The following C13orf42 variants were observed in gnomAD, a reference collection of about 807,000 sequenced individuals.
The protein encoded by C13orf42 is uncharacterized protein C13orf42.
intron 1 of C13orf42, among the ~76,000 whole-genome samples, chr13:51,109,577 C>T (rs1161508997): frequency 6.6e-6 from 1 of 151,676 alleles, no homozygotes; most frequent in East Asian, 1.9e-4. Context: ...AGCAAGACTC[C>T]CATCTCTACA....
At chr13:51,115,425 C>T (rs1485053050), upstream of C13orf42, among the ~76,000 whole-genome samples, 5 of 152,212 alleles carry the variant, frequency 3.3e-5, no homozygotes, top group African/African-American at 1.2e-4. Context: ...CATCATTTTC[C>T]TCCCTACAGT....
At chr13:51,131,095 G>A (rs756328126) in intron 1 of C13orf42, among the ~76,000 whole-genome samples, 34 of 151,926 alleles carry the variant, frequency 2.2e-4, no homozygotes, top group Admixed American at 1.4e-3. Context: ...TTGACTTTTC[G>A]CTTAAAACCG....
At chr13:51,120,087 A>G (rs186335342) in intron 1 of C13orf42, among the ~76,000 whole-genome samples, 52 of 152,340 alleles carry the variant, frequency 3.4e-4, no homozygotes, top group African/African-American at 1.2e-3. Flanking sequence ...TCACTCAATA[A>G]TAGTTGCCAT....
At position 51,084,114 on chromosome 13, in the gene C13orf42, G is replaced by A. The variant is rs1004723434; in HGVS notation, c.*37C>T. 4 of 398,524 alleles carry A rather than the reference G, an allele frequency of 1.0e-5. No individual in the cohort carries two copies. The highest frequency in any genetic ancestry group is 8.2e-5 in the African/African-American group (4 of 48,652). The allele number at this position is 398,524 out of a possible 1,614,324, so 24.7% of individuals were successfully genotyped here. ...CGCTGAAAGCGGACAGCTTCTCAGG[G>A]ACCCAGTCTGAGACACGTCAAGGAA... On this transcript the variant is annotated 3_prime_UTR_variant, in exon 4 of 4. Coordinates refer to ENST00000563710, the MANE Select transcript of C13orf42 (RefSeq NM_001351589.3).
chr13:51,136,459 A>C (rs1953658521), intron 1 of C13orf42, among the ~76,000 whole-genome samples: 1 of 152,198 alleles, frequency 6.6e-6, no homozygotes, highest in Non-Finnish European at 1.5e-5. Context: ...TGAGTCTTTT[A>C]GTCGTGGCAG....
At chr13:51,133,278 T>C (rs1430352660) in intron 1 of C13orf42, among the ~76,000 whole-genome samples, 2 of 152,096 alleles carry the variant, frequency 1.3e-5, no homozygotes, top group Non-Finnish European at 2.9e-5. Flanking sequence ...GTCAGATTCA[T>C]AGAGAAGGGA....
chr13:51,146,252 T>G (rs1341531631), intron 1 of C13orf42, among the ~76,000 whole-genome samples: 2 of 152,156 alleles, frequency 1.3e-5, no homozygotes, highest in African/African-American at 4.8e-5. Flanking sequence ...TAAATGGACA[T>G]CTGAGATCCC....
chr13:51,091,218 C>T (rs559621776), intron 1 of C13orf42, among the ~76,000 whole-genome samples: 2 of 152,270 alleles, frequency 1.3e-5, no homozygotes, highest in Admixed American at 6.5e-5. Context: ...TTATAAAACT[C>T]GTTATAAAAG....
chr13:51,117,528 T>C (rs7329231), intron 1 of C13orf42, among the ~76,000 whole-genome samples: 28,786 of 152,100 alleles, frequency 0.19, 3,292 homozygotes, highest in African/African-American at 0.32. Flanking sequence ...ATCAAACGTT[T>C]ACATGACAAT....
At chr13:51,108,374 C>T (rs1165102195) in intron 1 of C13orf42, among the ~76,000 whole-genome samples, 3 of 152,158 alleles carry the variant, frequency 2.0e-5, no homozygotes, top group East Asian at 1.9e-4. Context: ...AGAGCTTTCT[C>T]CCAAAGCATG....
At chr13:51,167,426 G>A (rs1243358084) in intron 1 of C13orf42, among the ~76,000 whole-genome samples, 1 of 152,184 alleles carries the variant, frequency 6.6e-6, no homozygotes. Flanking sequence ...GCCCTGTTTA[G>A]ATATTTGTCT....
rs1785136131 is a variant in C13orf42 at position 51,162,120 on chromosome 13, T to C, written n.136+10133A>G. 5 of 305,618 alleles carry C rather than the reference T, an allele frequency of 1.6e-5. No individual in the cohort carries two copies. In the South Asian group the frequency reaches 1.9e-4, roughly 12 times the overall value. The allele number at this position is 305,618 out of a possible 1,614,324, so 18.9% of individuals were successfully genotyped here. ...TCGTGTGCATAAGCTGCACAGACTA[T>C]CATGTCCCATTCTATATGGGCATAA... On this transcript the variant is annotated intron_variant and non_coding_transcript_variant, in intron 1 of 4. Coordinates refer to the C13orf42 transcript ENST00000433280.
chr13:51,134,373 G>A (rs1953641062), intron 1 of C13orf42, among the ~76,000 whole-genome samples: 1 of 152,132 alleles, frequency 6.6e-6, no homozygotes, highest in Non-Finnish European at 1.5e-5. Context: ...TTAACACCAA[G>A]CTGTTTTGGT....
upstream of C13orf42, among the ~76,000 whole-genome samples, chr13:51,115,002 T>C (rs1038520747): frequency 2.0e-5 from 3 of 152,110 alleles, no homozygotes; most frequent in African/African-American, 7.2e-5. Flanking sequence ...ATACCTTAAA[T>C]AAATACAATT....
At chr13:51,104,462 A>C (rs9568515) in intron 1 of C13orf42, among the ~76,000 whole-genome samples, 2 of 152,146 alleles carry the variant, frequency 1.3e-5, no homozygotes, top group African/African-American at 4.8e-5. Flanking sequence ...TGAGGTGGGC[A>C]GATTGCCTGA....
chr13:51,145,939 C>T (rs549552813), intron 1 of C13orf42, among the ~76,000 whole-genome samples: 15 of 152,264 alleles, frequency 9.9e-5, no homozygotes, highest in Middle Eastern at 6.8e-3. Flanking sequence ...GGCTGTGTCA[C>T]GAGCAAGTTC....
intron 2 of C13orf42, among the ~76,000 whole-genome samples, chr13:51,087,106 G>A (rs1347238939): frequency 6.6e-6 from 1 of 152,236 alleles, no homozygotes; most frequent in Non-Finnish European, 1.5e-5. Flanking sequence ...ACACCATGGT[G>A]GGCAAGTCAA....
intron 1 of C13orf42, among the ~76,000 whole-genome samples, chr13:51,152,051 T>A (rs565966937): frequency 1.3e-5 from 2 of 152,292 alleles, no homozygotes; most frequent in African/African-American, 4.8e-5. Flanking sequence ...GATTCATAGG[T>A]GCATGACAGT....
intron 1 of C13orf42, among the ~76,000 whole-genome samples, chr13:51,136,985 G>A (rs1455779790): frequency 6.6e-6 from 1 of 152,132 alleles, no homozygotes; most frequent in Admixed American, 6.5e-5. Flanking sequence ...ACCCCTCAGG[G>A]ACATGTTGTG....
Sources: gnomAD v4.1 joint callset for allele counts (sites outside exome capture counted in the v4.1 genomes callset) on GRCh38, gnomAD v4.1.1 for gene constraint, MANE v1.5 for transcripts, NCBI Gene and HGNC (gene_info 2026-07-23, HGNC 2026-07-21) for gene names.